The following NIFK variants were observed in gnomAD, a reference collection of about 807,000 sequenced individuals.
The protein encoded by NIFK is nucleolar protein interacting with the FHA domain of MKI67.
A neutral mutation model predicts 31.7 loss-of-function variants in NIFK; 16 were observed. The observed-to-expected ratio is 0.50, with a 90% CI of 0.34 to 0.77. The LOEUF (loss-of-function observed/expected upper bound fraction) is 0.77. Ranked by LOEUF, NIFK falls within the 30% of genes least tolerant of loss-of-function variation. NIFK has a pLI of 0.01. For synonymous variants in NIFK, 126 were observed against 123.0 expected, an observed-to-expected ratio of 1.02 and a Z score of -0.16; for missense variants, 341 against 350.4, an observed-to-expected ratio of 0.97 and a Z score of 0.21.
In NIFK at chr2:121,733,214, AC is replaced by A. The variant is rs1014055756; in HGVS notation, c.244-1011del. On this transcript the variant is annotated intron_variant, in intron 2 of 6. Transcript: ENST00000285814. ...GCCAAAATGGTGAAACCGTGTCTCT[AC>A]TAAAAATACAAAAATTAGGCCGGGC... 2.8e-4 allele frequency among the ~76,000 whole-genome samples: 42 copies of A among 151,996 alleles called. 1 individual carries two copies. The highest frequency in any genetic ancestry group is 9.9e-4 in the African/African-American group (41 of 41,380).
At chr2:121,735,293 T>C (rs11676686) in intron 2 of NIFK, among the ~76,000 whole-genome samples, 48,793 of 152,108 alleles carry the variant, frequency 0.32, 9,877 homozygotes, top group Non-Finnish European at 0.44. Context: ...CCTTTAACTA[T>C]TCACTATATA....
At chr2:121,730,127 T>C (rs1481680276) in intron 4 of NIFK, among the ~76,000 whole-genome samples, 3 of 152,236 alleles carry the variant, frequency 2.0e-5, no homozygotes, top group Non-Finnish European at 2.9e-5. Flanking sequence ...GGCAGGAGAA[T>C]TGCTTGAACC....
At chr2:121,730,164 A>G (rs2106441993) in intron 4 of NIFK, among the ~76,000 whole-genome samples, 1 of 152,296 alleles carries the variant, frequency 6.6e-6, no homozygotes, top group Non-Finnish European at 1.5e-5. Flanking sequence ...CAATGAACTG[A>G]GATTGTGCCA....
chr2:121,728,645 C>A, intron 4 of NIFK, 109 bp from the exon 5 acceptor site: 1 of 650,548 alleles, frequency 1.5e-6, no homozygotes. Context: ...AAGAGCATTT[C>A]ATTTTAAAAA....
chr2:121,727,710 TA>T lies in NIFK; in HGVS notation c.*13del. ...AATATTATATTTTTCAAAAGAAATA[TA>T]ATACATTGAAAATCACTGATTGCTG... On this transcript the variant is annotated 3_prime_UTR_variant, in exon 7 of 7. Transcript: ENST00000285814. The T allele has an allele frequency of 6.4e-7, 1 of 1,568,374 alleles. No individual in the cohort carries two copies. The highest frequency in any genetic ancestry group is 8.7e-7 in the Non-Finnish European group (1 of 1,151,888).
At chr2:121,731,264 G>C in intron 3 of NIFK, 160 bp from the exon 4 acceptor site, 1 of 575,558 alleles carries the variant, frequency 1.7e-6, no homozygotes, top group Non-Finnish European at 3.1e-6. Flanking sequence ...AGAGAGACAA[G>C]ACCTGGGCAG....
Position 121,736,818 on chromosome 2 carries a change from G to C in NIFK, c.33C>G (p.Ile11Met). MATFSGPAGP[I>M]LSLNPQEDVE... is the part of the protein sequence containing the mutation. ...CATCTTCCTGCGGATTAAGCGACAG[G>C]ATTGGCCCAGCCGGGCCAGAAAAAG... is the stretch of plus-strand genomic sequence containing the variant. The change falls in exon 1 of 7, where the codon ATC (isoleucine) becomes ATG (methionine). Residue 11 changes from isoleucine (I) to methionine (M), a missense_variant. Transcript: ENST00000285814. The C allele has an allele frequency of 6.2e-7, 1 of 1,614,182 alleles. No individual in the cohort carries two copies. The highest frequency in any genetic ancestry group is 8.5e-7 in the Non-Finnish European group (1 of 1,180,018).
Position 121,727,408 on chromosome 2 carries a change from C to T in NIFK, c.*316G>A, listed in dbSNP as rs1188414195. 20 of 524,248 alleles carry T rather than the reference C, an allele frequency of 3.8e-5. No individual in the cohort carries two copies. The highest frequency in any genetic ancestry group is 5.7e-5 in the Non-Finnish European group (15 of 263,040). 32.5% of individuals were successfully genotyped at this position (524,248 alleles called of 1,614,324 possible). ...CGACAGAAAAGGCTGCAGTTTAGTA[C>T]TTAAACCTGCAGTTAGTGGTCAACT... On this transcript the variant is annotated 3_prime_UTR_variant, in exon 7 of 7. Coordinates refer to ENST00000285814, the MANE Select transcript of NIFK (RefSeq NM_032390.5).
At chr2:121,733,659 C>T (rs1012645026) in intron 2 of NIFK, among the ~76,000 whole-genome samples, 3 of 151,666 alleles carry the variant, frequency 2.0e-5, no homozygotes, top group African/African-American at 4.8e-5. Context: ...CCAGCCCGGG[C>T]GACAGAGTGA....
In NIFK at chr2:121,730,994, G is replaced by A; in HGVS notation, c.463C>T (p.Leu155=). 6.2e-7 allele frequency: 1 copy of A among 1,612,834 alleles called. No homozygotes were observed. The highest frequency in any genetic ancestry group is 8.5e-7 in the Non-Finnish European group (1 of 1,179,118). Residue 155 remains leucine (L), a synonymous_variant, in exon 4 of 7, where the codon CTA becomes TTA. Transcript: ENST00000285814. ...TCCTCCATCCGTAGCTTTTGTGTTA[G>A]TGTCCGATTCCGATTATACCGTTTC... ...SVKRYNRNRT[L]TQKLRMEERF... is the part of the protein sequence containing the mutation.
intron 4 of NIFK, chr2:121,730,494 G>A (rs13011357): frequency 0.65 from 119,396 of 183,298 alleles, 43,028 homozygotes; most frequent in Middle Eastern, 0.78. Context: ...TCACACCATC[G>A]CACTCCAGCC....
At chr2:121,733,574 G>A (rs2074558622) in intron 2 of NIFK, among the ~76,000 whole-genome samples, 1 of 151,832 alleles carries the variant, frequency 6.6e-6, no homozygotes. Flanking sequence ...AGCTACTCGG[G>A]AGGCTGGGGC....
intron 2 of NIFK, among the ~76,000 whole-genome samples, 177 bp from the exon 3 acceptor site, chr2:121,732,381 A>C (rs1010921637): frequency 2.0e-5 from 3 of 152,220 alleles, no homozygotes; most frequent in Non-Finnish European, 4.4e-5. Context: ...GAAAAAGAAA[A>C]GATGCACGAG....
At chr2:121,728,229 C>T (rs2106441180) in intron 6 of NIFK, 59 bp downstream of exon 6, 1 of 1,045,170 alleles carries the variant, frequency 9.6e-7, no homozygotes, top group East Asian at 2.4e-5. Flanking sequence ...GAAACTGCTT[C>T]TCCTCCTTCA....
chr2:121,734,888 C>A (rs930558681), intron 2 of NIFK, among the ~76,000 whole-genome samples: 1 of 152,180 alleles, frequency 6.6e-6, no homozygotes, highest in Admixed American at 6.6e-5. Flanking sequence ...ATTCTACCTA[C>A]AATCTATCTT....
At chr2:121,730,782 T>A (rs768271000) in intron 4 of NIFK, 111 bp downstream of exon 4, 1 of 722,794 alleles carries the variant, frequency 1.4e-6, no homozygotes, top group Non-Finnish European at 2.4e-6. Context: ...GATGTGGAAG[T>A]TGCAGTGAGT....
chr2:121,736,615 G>A (rs1275425749), intron 1 of NIFK, 131 bp downstream of exon 1: 2 of 734,568 alleles, frequency 2.7e-6, no homozygotes, highest in African/African-American at 3.5e-5. Flanking sequence ...AATCCACTTG[G>A]GAGACCCTGG....
intron 4 of NIFK, among the ~76,000 whole-genome samples, chr2:121,729,555 C>T (rs568757270): frequency 4.8e-4 from 73 of 152,158 alleles, no homozygotes; most frequent in African/African-American, 1.6e-3. Flanking sequence ...GCAGTGTCAC[C>T]TCTGAATGAC....
intron 4 of NIFK, chr2:121,730,514 AGGG>A (rs2074530633): frequency 1.0e-5 from 2 of 199,024 alleles, no homozygotes; most frequent in South Asian, 8.8e-5. Context: ...CTGGGCAACA[AGGG>A]TGAAACTCCA....
Sources: gnomAD v4.1 joint callset for allele counts (sites outside exome capture counted in the v4.1 genomes callset) on GRCh38, gnomAD v4.1.1 for gene constraint, MANE v1.5 for transcripts, NCBI Gene and HGNC (gene_info 2026-07-23, HGNC 2026-07-21) for gene names.